Variants in SLC44A5 observed in about 807,000 individuals in gnomAD.
SLC44A5 encodes the protein choline transporter-like protein 5.
SLC44A5 carries 57 observed loss-of-function variants against 101.8 expected under a neutral mutation model. That is an observed-to-expected ratio of 0.56 (90% CI 0.45 to 0.70). The LOEUF is 0.70. Ranked by LOEUF, SLC44A5 falls within the 30% of genes least tolerant of loss-of-function variation. SLC44A5 has a pLI of 0.00. For missense variants in SLC44A5, 737 were observed against 853.1 expected, an observed-to-expected ratio of 0.86 and a Z score of 1.70; for synonymous variants, 281 against 290.9, an observed-to-expected ratio of 0.97 and a Z score of 0.35.
chr1:75,570,567 C>T (rs912802823), intron 1 of SLC44A5, among the ~76,000 whole-genome samples: 1 of 152,130 alleles, frequency 6.6e-6, no homozygotes, highest in Non-Finnish European at 1.5e-5. Flanking sequence ...TATACTATAT[C>T]CCAACACCTA....
chr1:75,624,609 C>A, the SLC44A5 span, among the ~76,000 whole-genome samples: 2 of 152,150 alleles, frequency 1.3e-5, no homozygotes, highest in African/African-American at 4.8e-5. Context: ...AAAAAGAGCA[C>A]TGCTCTTGCC....
chr1:75,530,786 T>A lies in SLC44A5; in HGVS notation c.13+10649A>T, dbSNP rs567691637. On this transcript the variant is annotated intron_variant, in intron 2 of 23. Coordinates refer to ENST00000370859, the MANE Select transcript of SLC44A5 (RefSeq NM_001130058.2). ...CCAAAACCAGCAACTAATTCTTGAA[T>A]ATTTTTTCCATACCTGACAGAGCCT... 3.3e-5 allele frequency among the ~76,000 whole-genome samples: 5 copies of A among 152,298 alleles called. No homozygotes were observed. In the South Asian group the frequency reaches 1.0e-3, roughly 32 times the overall value.
chr1:75,223,730 C>A (rs1647137192), intron 13 of SLC44A5, among the ~76,000 whole-genome samples: 1 of 152,128 alleles, frequency 6.6e-6, no homozygotes, highest in Non-Finnish European at 1.5e-5. Flanking sequence ...GTTACTGTCT[C>A]CGAGTAAGCA....
the SLC44A5 span, among the ~76,000 whole-genome samples, chr1:75,721,472 A>T: frequency 6.6e-5 from 10 of 152,332 alleles, no homozygotes; most frequent in South Asian, 2.1e-3. Context: ...ATAGCCCAAG[A>T]CAATTCTTTT....
At chr1:75,279,290 A>C (rs998641274) in intron 5 of SLC44A5, among the ~76,000 whole-genome samples, 1 of 152,122 alleles carries the variant, frequency 6.6e-6, no homozygotes, top group Admixed American at 6.6e-5. Context: ...ATGTTAGAAC[A>C]GAATTTCTAG....
At chr1:75,231,077 G>A (rs190563753) in intron 12 of SLC44A5, among the ~76,000 whole-genome samples, 3 of 152,312 alleles carry the variant, frequency 2.0e-5, no homozygotes, top group African/African-American at 4.8e-5. Flanking sequence ...GTTAATTGAG[G>A]AAACTTTCAT....
At chr1:75,361,756 T>G (rs899671398) in intron 3 of SLC44A5, among the ~76,000 whole-genome samples, 9 of 152,144 alleles carry the variant, frequency 5.9e-5, no homozygotes, top group African/African-American at 2.2e-4. Flanking sequence ...GCTAGTATTT[T>G]GTTGAGAATT....
At chr1:75,471,399 AC>A (rs1177303095) in intron 2 of SLC44A5, among the ~76,000 whole-genome samples, 8 of 151,866 alleles carry the variant, frequency 5.3e-5, no homozygotes, top group African/African-American at 1.9e-4. Context: ...ACACACACAC[AC>A]ACACACACGT....
the SLC44A5 span, among the ~76,000 whole-genome samples, chr1:75,713,688 G>A: frequency 6.6e-6 from 1 of 151,820 alleles, no homozygotes; most frequent in African/African-American, 2.4e-5. Flanking sequence ...CCTTGTGTAA[G>A]GACACATAAT....
chr1:75,388,090 T>G (rs534750898), intron 3 of SLC44A5, among the ~76,000 whole-genome samples: 2 of 125,462 alleles, frequency 1.6e-5, no homozygotes, highest in African/African-American at 6.2e-5. Context: ...AGGGATAGCA[T>G]TGGGAGATAT....
intron 1 of SLC44A5, among the ~76,000 whole-genome samples, chr1:75,554,890 C>T (rs1490652487): frequency 1.3e-5 from 2 of 151,688 alleles, no homozygotes; most frequent in African/African-American, 4.8e-5. Context: ...CTAGAGTAAA[C>T]ACCAAAACAC....
At chr1:75,417,405 A>C (rs1051616173) in intron 2 of SLC44A5, among the ~76,000 whole-genome samples, 1 of 152,254 alleles carries the variant, frequency 6.6e-6, no homozygotes, top group Non-Finnish European at 1.5e-5. Flanking sequence ...TAAATTACCC[A>C]GTCTCAGATA....
chr1:75,433,083 T>G lies in SLC44A5; in HGVS notation c.14-36462A>C, dbSNP rs116551079. The stretch of plus-strand genomic sequence containing the variant: ...CTCTTTTTCTTCTGCTATAGTTTTA[T>G]CTTTCCCACCAAAAATAATGTTTCC... On this transcript the variant is annotated intron_variant, in intron 2 of 23. Transcript: ENST00000370859. Among the ~76,000 whole-genome samples the G allele has an allele frequency of 4.1e-3, 620 of 152,250 alleles. 5 individuals are homozygous for G. The highest frequency in any genetic ancestry group is 0.014 in the African/African-American group (596 of 41,570).
intron 2 of SLC44A5, among the ~76,000 whole-genome samples, chr1:75,424,714 GAAGATGA>G (rs1016769633): frequency 2.6e-5 from 4 of 152,132 alleles, no homozygotes; most frequent in Admixed American, 6.5e-5. Context: ...GGACACCTAA[GAAGATGA>G]AAGATGAAAT....
intron 5 of SLC44A5, among the ~76,000 whole-genome samples, chr1:75,279,130 T>G (rs1652173959): frequency 1.3e-5 from 2 of 152,224 alleles, no homozygotes; most frequent in East Asian, 3.9e-4. Context: ...CACTGTACTG[T>G]CAGATACTAA....
intron 2 of SLC44A5, among the ~76,000 whole-genome samples, chr1:75,469,900 G>GAAAA (rs1171157547): frequency 1.1e-3 from 90 of 80,274 alleles, no homozygotes; most frequent in African/African-American, 2.3e-3. Flanking sequence ...ACCTTGTGAA[G>GAAAA]AAAAAAAAAA....
intron 1 of SLC44A5, among the ~76,000 whole-genome samples, chr1:75,557,716 C>T (rs929084050): frequency 6.6e-6 from 1 of 152,094 alleles, no homozygotes; most frequent in African/African-American, 2.4e-5. Context: ...TACACATTTA[C>T]ACTGTAGTAT....
At chr1:75,372,264 T>C (rs910409369) in intron 3 of SLC44A5, among the ~76,000 whole-genome samples, 4 of 150,076 alleles carry the variant, frequency 2.7e-5, no homozygotes, top group African/African-American at 9.8e-5. Flanking sequence ...AGAGATCAAA[T>C]GCATGTAAAA....
chr1:75,388,359 C>T (rs896144076), intron 3 of SLC44A5, among the ~76,000 whole-genome samples: 11 of 150,188 alleles, frequency 7.3e-5, no homozygotes, highest in Non-Finnish European at 1.5e-4. Flanking sequence ...ACCACAAAAA[C>T]ACATAAGTAC....
Sources: allele counts gnomAD v4.1 joint callset (sites outside exome capture counted in the v4.1 genomes callset), GRCh38; gene constraint gnomAD v4.1.1; transcripts MANE v1.5; gene names NCBI Gene and HGNC (gene_info 2026-07-23, HGNC 2026-07-21).